Variants in BLK observed in about 807,000 individuals in gnomAD.
BLK encodes BLK proto-oncogene, Src family tyrosine kinase, also known as tyrosine-protein kinase Blk.
In BLK, 64 loss-of-function variants were observed where a neutral mutation model predicts 61.8. That is an observed-to-expected ratio of 1.03 (90% confidence interval 0.85 to 1.27). BLK has a LOEUF of 1.27. Ranked by LOEUF, BLK falls within the 50% of genes most tolerant of loss-of-function variation. BLK has a pLI of 0.00. For missense variants in BLK, 853 were observed against 660.5 expected (o/e 1.29, Z -3.19); for synonymous variants, 351 against 272.0 (o/e 1.29, Z -2.86).
intron 1 of BLK, among the ~76,000 whole-genome samples, chr8:11,526,958 G>A (rs1799679804): frequency 6.6e-6 from 1 of 152,186 alleles, no homozygotes; most frequent in African/African-American, 2.4e-5. Context: ...AAGGTTTTAT[G>A]AAGCCTCTTT....
intron 4 of BLK, among the ~76,000 whole-genome samples, chr8:11,548,369 C>T (rs573656446): frequency 6.6e-5 from 10 of 152,322 alleles, no homozygotes; most frequent in African/African-American, 2.4e-4. Context: ...TCCATGCCAC[C>T]GCCTCCATGC....
chr8:11,500,196 TTTG>T (rs1218245537), intron 1 of BLK, among the ~76,000 whole-genome samples: 2 of 152,158 alleles, frequency 1.3e-5, no homozygotes, highest in Admixed American at 6.5e-5. Context: ...GGTGTTTGTT[TTTG>T]TTGTTGTTGT....
chr8:11,563,916 C>A lies in BLK; in HGVS notation c.1326C>A (p.Pro442=). ...CCTCTGCCGCAGGGATGAGCAACCC[C>A]GAGGTCATCCGCAACCTGGAGCGCG... is the stretch of plus-strand genomic sequence containing the variant. ...GRVPYPGMSN[P]EVIRNLERGY... The change falls in exon 13 of 13, where the codon CCC becomes CCA. Residue 442 remains proline, a synonymous_variant. Transcript: ENST00000259089. 1.2e-6 allele frequency: 2 copies of A among 1,609,020 alleles called. No individual in the cohort carries two copies. The highest frequency in any genetic ancestry group is 1.7e-6 in the Non-Finnish European group (2 of 1,179,440).
chr8:11,527,491 G>A (rs1799704481), intron 1 of BLK, among the ~76,000 whole-genome samples: 3 of 149,812 alleles, frequency 2.0e-5, no homozygotes, highest in South Asian at 2.1e-4. Context: ...TTTTTTTAGT[G>A]GGGAAGGAGT....
chr8:11,557,779 G>A (rs1801302702), intron 9 of BLK, 183 bp from the exon 10 acceptor site: 2 of 606,158 alleles, frequency 3.3e-6, no homozygotes, highest in African/African-American at 1.8e-5. Context: ...GCTGAGACTG[G>A]CATTTTGTAA....
At chr8:11,559,120 C>T (rs1801362927) in intron 10 of BLK, 3 of 398,332 alleles carry the variant, frequency 7.5e-6, no homozygotes, top group South Asian at 3.6e-5. Context: ...CACTACACCC[C>T]CTTGGGAAAT....
intron 11 of BLK, 67 bp from the exon 12 acceptor site, chr8:11,562,911 AG>A: frequency 6.2e-7 from 1 of 1,603,638 alleles, no homozygotes; most frequent in Non-Finnish European, 8.5e-7. Context: ...GAGCAGGGGT[AG>A]GGGTGAGGAT....
chr8:11,542,061 C>A (rs565739422), intron 1 of BLK, among the ~76,000 whole-genome samples: 26 of 152,204 alleles, frequency 1.7e-4, no homozygotes, highest in African/African-American at 6.0e-4. Context: ...ATAGTGTTTT[C>A]TTTTTCAAGG....
At chr8:11,514,052 A>G (rs1184902576) in intron 1 of BLK, among the ~76,000 whole-genome samples, 2 of 152,224 alleles carry the variant, frequency 1.3e-5, no homozygotes, top group Non-Finnish European at 2.9e-5. Context: ...ATGACACAGG[A>G]TCTGCCAAGG....
chr8:11,543,511 G>A (rs1336100013), intron 2 of BLK, among the ~76,000 whole-genome samples, 164 bp downstream of exon 2: 1 of 152,140 alleles, frequency 6.6e-6, no homozygotes, highest in Non-Finnish European at 1.5e-5. Flanking sequence ...CACAGGACCC[G>A]GCCTGGTTAG....
chr8:11,496,202 G>C (rs1355371169), intron 1 of BLK, among the ~76,000 whole-genome samples: 1 of 152,062 alleles, frequency 6.6e-6, no homozygotes, highest in Non-Finnish European at 1.5e-5. Context: ...TGTTGTTGTT[G>C]GTGTCCAATG....
At chr8:11,516,947 G>T (rs137878400) in intron 1 of BLK, among the ~76,000 whole-genome samples, 5 of 152,228 alleles carry the variant, frequency 3.3e-5, no homozygotes, top group Admixed American at 6.5e-5. Context: ...CCCAGAACTG[G>T]CATTGCTGGA....
intron 2 of BLK, 51 bp downstream of exon 2, chr8:11,543,398 C>G (rs983276775): frequency 1.2e-6 from 2 of 1,605,522 alleles, no homozygotes; most frequent in South Asian, 1.1e-5. Context: ...TTCTCCTATG[C>G]CTTAATGTCC....
intron 1 of BLK, among the ~76,000 whole-genome samples, chr8:11,498,766 C>T (rs971716262): frequency 5.9e-5 from 9 of 152,166 alleles, no homozygotes; most frequent in Non-Finnish European, 8.8e-5. Flanking sequence ...TCCTCTCAGT[C>T]TTATTTCTTC....
intron 8 of BLK, 200 bp downstream of exon 8, chr8:11,555,684 G>A: frequency 1.3e-6 from 1 of 791,882 alleles, no homozygotes; most frequent in South Asian, 1.6e-5. Context: ...GACCGCTTAT[G>A]GTGGTGGCAG....
At chr8:11,506,382 C>G (rs1798770013) in intron 1 of BLK, among the ~76,000 whole-genome samples, 1 of 152,140 alleles carries the variant, frequency 6.6e-6, no homozygotes, top group Admixed American at 6.5e-5. Flanking sequence ...GTGCTGAATC[C>G]TTGTAACTGT....
chr8:11,535,315 AGAAAGAAAGAGAAG>A (rs1800087378), intron 1 of BLK, among the ~76,000 whole-genome samples: 7 of 124,826 alleles, frequency 5.6e-5, no homozygotes, highest in Admixed American at 3.7e-4. Flanking sequence ...AAAGAAAGAA[AGAAAGAAAGAGAAG>A]GAAAAGGGAA....
At chr8:11,543,436 T>C (rs1280852291) in intron 2 of BLK, 89 bp downstream of exon 2, 2 of 1,543,228 alleles carry the variant, frequency 1.3e-6, no homozygotes, top group Non-Finnish European at 8.8e-7. Flanking sequence ...ATAGCAAAAG[T>C]GCCTTCCTGA....
intron 5 of BLK, among the ~76,000 whole-genome samples, chr8:11,549,617 C>G (rs1331650573): frequency 1.3e-5 from 2 of 152,236 alleles, no homozygotes; most frequent in Non-Finnish European, 2.9e-5. Context: ...CCCCACGAAT[C>G]TGCTCACAGG....
Sources: allele counts gnomAD v4.1 joint callset (sites outside exome capture counted in the v4.1 genomes callset), GRCh38; gene constraint gnomAD v4.1.1; transcripts MANE v1.5; gene names NCBI Gene and HGNC (gene_info 2026-07-23, HGNC 2026-07-21).